The following RARB variants were observed in gnomAD, a reference collection of about 807,000 sequenced individuals.
RARB encodes HBV-activated protein.
A neutral mutation model predicts 51.9 loss-of-function variants in RARB; 17 were observed. That is an observed-to-expected ratio of 0.33 (90% confidence interval 0.22 to 0.49). The LOEUF is 0.49. Ranked by LOEUF, RARB falls within the 20% of genes least tolerant of loss-of-function variation. The probability of loss-of-function intolerance (pLI) is 0.99; values close to 1 mark genes in which losing one functional copy is unlikely to be tolerated. For synonymous variants in RARB, 215 were observed against 195.4 expected, an observed-to-expected ratio of 1.10 and a Z score of -0.84; for missense variants, 369 against 550.8, an observed-to-expected ratio of 0.67 and a Z score of 3.30.
chr3:25,107,445 A>C (rs1699528273), intron 3 of RARB, among the ~76,000 whole-genome samples: 1 of 152,206 alleles, frequency 6.6e-6, no homozygotes, highest in African/African-American at 2.4e-5. Flanking sequence ...GCTTAATATT[A>C]ACTGCTATTA....
chr3:25,537,711 C>A (rs1286773), intron 3 of RARB, among the ~76,000 whole-genome samples: 1 of 152,038 alleles, frequency 6.6e-6, no homozygotes, highest in Non-Finnish European at 1.5e-5. Flanking sequence ...ATTTACGACT[C>A]TCTTCTTGAA....
At chr3:25,342,444 T>C (rs1705258080) in intron 5 of RARB, among the ~76,000 whole-genome samples, 1 of 152,170 alleles carries the variant, frequency 6.6e-6, no homozygotes, top group Non-Finnish European at 1.5e-5. Flanking sequence ...CAGTCTCACT[T>C]TCCCATTCTC....
chr3:25,176,458 T>C (rs1386253152), intron 5 of RARB, among the ~76,000 whole-genome samples: 1 of 150,414 alleles, frequency 6.6e-6, no homozygotes, highest in Non-Finnish European at 1.5e-5. Context: ...TGCAGTGGTG[T>C]GATCTTGACT....
At chr3:24,898,254 G>A (rs945265091) in intron 2 of RARB, among the ~76,000 whole-genome samples, 1 of 151,740 alleles carries the variant, frequency 6.6e-6, no homozygotes, top group Non-Finnish European at 1.5e-5. Context: ...GAGCAAGAAA[G>A]ACCATGCTTG....
intron 5 of RARB, among the ~76,000 whole-genome samples, chr3:25,402,093 T>C (rs868739255): frequency 7.9e-5 from 12 of 152,220 alleles, no homozygotes; most frequent in Admixed American, 2.6e-4. Flanking sequence ...TTTCAACATA[T>C]ATATTTTGAT....
intron 5 of RARB, among the ~76,000 whole-genome samples, chr3:25,179,285 T>C (rs923285272): frequency 1.3e-5 from 2 of 152,210 alleles, no homozygotes; most frequent in Non-Finnish European, 2.9e-5. Context: ...GACAATTGGC[T>C]CAGAGGTGTG....
At position 25,159,646 on chromosome 3, in the gene RARB, C is replaced by T. The variant is rs1575187745; in HGVS notation, c.-279-14473C>T. Among the ~76,000 whole-genome samples the T allele has an allele frequency of 2.6e-5, 4 of 152,208 alleles. No homozygotes were observed. The Middle Eastern group carries it at 0.01, about 388-fold the overall frequency. On this transcript the variant is annotated intron_variant, in intron 4 of 11. Coordinates refer to the RARB transcript ENST00000383772. The stretch of plus-strand genomic sequence containing the variant: ...CTTCATTCAGATGAATGAAGCAAAA[C>T]AGCTGTATCCTCTTTGATCTCTTAG...
intron 2 of RARB, among the ~76,000 whole-genome samples, chr3:25,041,565 C>T (rs1389188750): frequency 6.6e-6 from 1 of 151,332 alleles, no homozygotes; most frequent in Non-Finnish European, 1.5e-5. Context: ...TTGCCATGTC[C>T]TTCTACAATA....
At chr3:25,216,636 G>A (rs147040031) in intron 5 of RARB, among the ~76,000 whole-genome samples, 3 of 152,028 alleles carry the variant, frequency 2.0e-5, no homozygotes, top group Middle Eastern at 3.4e-3. Flanking sequence ...AGTAGGTGCA[G>A]CGAAGCACCA....
intron 1 of RARB, among the ~76,000 whole-genome samples, chr3:24,857,344 T>C (rs1282211662): frequency 6.6e-6 from 1 of 152,206 alleles, no homozygotes; most frequent in Non-Finnish European, 1.5e-5. Context: ...ACTAAACTTT[T>C]CCTCCACTGC....
intron 2 of RARB, among the ~76,000 whole-genome samples, chr3:25,020,739 T>G (rs1387849352): frequency 6.6e-6 from 1 of 152,120 alleles, no homozygotes; most frequent in Admixed American, 6.5e-5. Flanking sequence ...ATAGAATGAA[T>G]AAACAAGTCA....
intron 2 of RARB, among the ~76,000 whole-genome samples, chr3:24,984,316 A>C (rs1696740379): frequency 1.3e-5 from 2 of 152,196 alleles, no homozygotes; most frequent in Admixed American, 1.3e-4. Flanking sequence ...TAGGTTTGTG[A>C]CTGTTTGCTC....
At chr3:25,321,538 C>A (rs191787945) in intron 5 of RARB, among the ~76,000 whole-genome samples, 1 of 151,746 alleles carries the variant, frequency 6.6e-6, no homozygotes, top group East Asian at 1.9e-4. Flanking sequence ...GATGACATGG[C>A]GAAACCCCTT....
intron 2 of RARB, among the ~76,000 whole-genome samples, chr3:24,944,375 G>C (rs1022328204): frequency 4.9e-4 from 75 of 152,302 alleles, no homozygotes; most frequent in African/African-American, 1.7e-3. Context: ...CCTGGAAATA[G>C]CTAACATTGA....
intron 3 of RARB, among the ~76,000 whole-genome samples, chr3:25,062,590 A>AT: frequency 6.6e-6 from 1 of 151,974 alleles, no homozygotes; most frequent in East Asian, 1.9e-4. Context: ...ATAATGAAAT[A>AT]TAAGTATTGA....
At chr3:25,163,504 A>T (rs1304145078) in intron 4 of RARB, among the ~76,000 whole-genome samples, 1 of 131,094 alleles carries the variant, frequency 7.6e-6, no homozygotes, top group African/African-American at 3.2e-5. Context: ...CCTATCTCAA[A>T]ATATATATAT....
chr3:25,245,917 CA>C (rs1323601658), intron 5 of RARB, among the ~76,000 whole-genome samples: 4 of 152,102 alleles, frequency 2.6e-5, no homozygotes, highest in Non-Finnish European at 5.9e-5. Flanking sequence ...GTGTGTTTTC[CA>C]ACTTAATTCC....
chr3:25,079,785 T>C (rs898147438), intron 3 of RARB, among the ~76,000 whole-genome samples: 1 of 152,144 alleles, frequency 6.6e-6, no homozygotes, highest in Non-Finnish European at 1.5e-5. Context: ...TTGCTAAAGG[T>C]TTAAGATTTT....
At chr3:25,140,084 GT>G (rs58452061) in intron 4 of RARB, among the ~76,000 whole-genome samples, 20 of 149,710 alleles carry the variant, frequency 1.3e-4, no homozygotes, top group South Asian at 2.1e-4. Context: ...CAAGGACATG[GT>G]TTTTTTTTTG....
Sources: allele counts gnomAD v4.1 joint callset (sites outside exome capture counted in the v4.1 genomes callset), GRCh38; gene constraint gnomAD v4.1.1; transcripts MANE v1.5; gene names NCBI Gene and HGNC (gene_info 2026-07-23, HGNC 2026-07-21).